Variants in ROBO1 observed in about 807,000 individuals in gnomAD.
ROBO1 encodes roundabout homolog 1.
Under a neutral mutation model 195.9 loss-of-function variants are expected in ROBO1, and 149 were observed. The ratio of observed to expected loss-of-function variants is 0.76; its 90% CI spans 0.67 to 0.87. ROBO1 has a LOEUF of 0.87. Among genes scored for constraint, ROBO1 ranks in the 40% least tolerant of loss-of-function variants. The pLI is 0.00. For synonymous variants in ROBO1, 816 were observed against 733.2 expected (o/e 1.11, Z -1.82); for missense variants, 1,933 against 2,068.3 (o/e 0.93, Z 1.27).
At chr3:78,807,719 CTTTAA>C (rs771638930) in intron 4 of ROBO1, among the ~76,000 whole-genome samples, 12 of 152,106 alleles carry the variant, frequency 7.9e-5, no homozygotes, top group Middle Eastern at 3.2e-3. Context: ...ATCCTTTTAA[CTTTAA>C]TTTAAACATT....
rs540282604 is a variant in ROBO1, at chr3:79,552,687, A to C, written c.88+37137T>G. Among the ~76,000 whole-genome samples, 12 of 152,260 alleles carry C rather than the reference A, an allele frequency of 7.9e-5. No individual in the cohort carries two copies. The South Asian group carries it at 2.3e-3, about 29-fold the overall frequency. On this transcript the variant is annotated intron_variant, in intron 2 of 30. Coordinates refer to ENST00000464233, the MANE Select transcript of ROBO1 (RefSeq NM_002941.4). Reference sequence around the variant, plus strand: ...TAATAGTTCAAGCTACACAATTATTAGCCTGGCATTGGCAGATAGATGGCA... The same window carrying C: ...TAATAGTTCAAGCTACACAATTATTCGCCTGGCATTGGCAGATAGATGGCA...
intron 4 of ROBO1, among the ~76,000 whole-genome samples, chr3:78,922,750 C>T (rs1210078994): frequency 6.6e-6 from 1 of 151,878 alleles, no homozygotes; most frequent in Non-Finnish European, 1.5e-5. Context: ...GCTGGAATTA[C>T]AGGCATGCAC....
At chr3:79,557,285 A>G (rs1559990466) in intron 2 of ROBO1, among the ~76,000 whole-genome samples, 1 of 152,160 alleles carries the variant, frequency 6.6e-6, no homozygotes, top group East Asian at 1.9e-4. Context: ...TGACTTTTTA[A>G]TTAATTTAAT....
At chr3:79,722,569 A>G (rs1576283311) in intron 1 of ROBO1, among the ~76,000 whole-genome samples, 1 of 152,170 alleles carries the variant, frequency 6.6e-6, no homozygotes, top group African/African-American at 2.4e-5. Flanking sequence ...CCTCTTCATA[A>G]AAAGCTCCTG....
chr3:78,717,708 C>T (rs1004822626), intron 6 of ROBO1, 55 bp downstream of exon 6: 4 of 1,580,460 alleles, frequency 2.5e-6, no homozygotes, highest in Non-Finnish European at 3.4e-6. Flanking sequence ...TATACAGACA[C>T]AAAATGATAA....
At chr3:79,626,638 A>G (rs1945189273) in intron 1 of ROBO1, among the ~76,000 whole-genome samples, 1 of 152,184 alleles carries the variant, frequency 6.6e-6, no homozygotes, top group Non-Finnish European at 1.5e-5. Context: ...TAGTATTGGA[A>G]ATTCTGGCCA....
chr3:79,209,505 T>C (rs1057420553), intron 2 of ROBO1, among the ~76,000 whole-genome samples: 1 of 152,090 alleles, frequency 6.6e-6, no homozygotes, highest in Non-Finnish European at 1.5e-5. Flanking sequence ...TTCTTTTCCT[T>C]TGGGTAGCTA....
chr3:78,822,842 T>G (rs116258384), intron 4 of ROBO1, among the ~76,000 whole-genome samples: 2,270 of 152,334 alleles, frequency 0.015, 56 homozygotes, highest in African/African-American at 0.051. Flanking sequence ...ACTTTATTCA[T>G]GCACAATAGT....
intron 2 of ROBO1, among the ~76,000 whole-genome samples, chr3:79,442,869 T>C (rs919027087): frequency 2.6e-5 from 4 of 152,168 alleles, no homozygotes; most frequent in African/African-American, 9.7e-5. Context: ...AGGGAAAATA[T>C]GCAGGGTACT....
At chr3:79,475,082 AAT>A (rs1010457698) in intron 2 of ROBO1, among the ~76,000 whole-genome samples, 1 of 151,960 alleles carries the variant, frequency 6.6e-6, no homozygotes, top group Non-Finnish European at 1.5e-5. Flanking sequence ...TCTTTTCAGT[AAT>A]AGTCATAAAA....
At chr3:79,172,364 C>T (rs1213876283) in intron 2 of ROBO1, among the ~76,000 whole-genome samples, 4 of 152,044 alleles carry the variant, frequency 2.6e-5, no homozygotes, top group Non-Finnish European at 5.9e-5. Flanking sequence ...AAAAGTAAAA[C>T]ATTTTTATTG....
chr3:79,470,534 T>C (rs1310144668), intron 2 of ROBO1, among the ~76,000 whole-genome samples: 2 of 152,116 alleles, frequency 1.3e-5, no homozygotes, highest in Non-Finnish European at 2.9e-5. Flanking sequence ...TAAATGTTTT[T>C]AAGGGAATTG....
At chr3:79,615,526 G>C (rs2107945003) in intron 1 of ROBO1, among the ~76,000 whole-genome samples, 1 of 152,154 alleles carries the variant, frequency 6.6e-6, no homozygotes, top group Non-Finnish European at 1.5e-5. Context: ...CTTCTAAATT[G>C]GTTGAGATCT....
intron 2 of ROBO1, among the ~76,000 whole-genome samples, chr3:79,586,724 G>C (rs944207686): frequency 6.6e-6 from 1 of 151,424 alleles, no homozygotes; most frequent in African/African-American, 2.4e-5. Flanking sequence ...TTTAATAACA[G>C]ATCATTTTAC....
intron 21 of ROBO1, among the ~76,000 whole-genome samples, chr3:78,645,806 T>C (rs1375666351): frequency 6.6e-6 from 1 of 152,110 alleles, no homozygotes; most frequent in Non-Finnish European, 1.5e-5. Flanking sequence ...GAACTCTTTT[T>C]CTTGGATAGT....
intron 4 of ROBO1, among the ~76,000 whole-genome samples, chr3:78,908,074 T>A (rs908214750): frequency 6.6e-6 from 1 of 151,994 alleles, no homozygotes; most frequent in Non-Finnish European, 1.5e-5. Flanking sequence ...GTTATGTATT[T>A]CTCTAAAACT....
At chr3:78,719,197 A>G (rs1490560993) in intron 5 of ROBO1, among the ~76,000 whole-genome samples, 1 of 152,138 alleles carries the variant, frequency 6.6e-6, no homozygotes, top group East Asian at 1.9e-4. Flanking sequence ...ATCGTTCATC[A>G]TTCTATCCCT....
At chr3:79,116,475 T>C (rs980098559) in intron 3 of ROBO1, among the ~76,000 whole-genome samples, 1 of 149,948 alleles carries the variant, frequency 6.7e-6, no homozygotes. Context: ...TGTTTCTTTC[T>C]CTCTTTCTCT....
chr3:78,639,300 A>C (rs1705770683), intron 22 of ROBO1, among the ~76,000 whole-genome samples: 1 of 151,808 alleles, frequency 6.6e-6, no homozygotes, highest in African/African-American at 2.4e-5. Flanking sequence ...CTACTTAAAA[A>C]AAATATATAA....
Sources: gnomAD v4.1 joint callset for allele counts (sites outside exome capture counted in the v4.1 genomes callset) on GRCh38, gnomAD v4.1.1 for gene constraint, MANE v1.5 for transcripts, NCBI Gene and HGNC (gene_info 2026-07-23, HGNC 2026-07-21) for gene names.